SETBP1: variants seen among roughly 807,000 people sequenced by gnomAD.
The protein encoded by SETBP1 is SET-binding protein.
SETBP1 carries 9 observed loss-of-function variants against 101.0 expected under a neutral mutation model. The ratio of observed to expected loss-of-function variants is 0.09; its 90% CI spans 0.05 to 0.16. SETBP1 has a LOEUF of 0.16. SETBP1 is among the 10% of genes least tolerant of loss of function. SETBP1 has a pLI of 1.00. For missense variants in SETBP1, 1,858 were observed against 2,033.8 expected, an observed-to-expected ratio of 0.91 and a Z score of 1.66; for synonymous variants, 818 against 788.5, an observed-to-expected ratio of 1.04 and a Z score of -0.63.
At chr18:44,927,383 A>G (rs2080573597) in intron 3 of SETBP1, among the ~76,000 whole-genome samples, 1 of 152,142 alleles carries the variant, frequency 6.6e-6, no homozygotes, top group African/African-American at 2.4e-5. Flanking sequence ...TCTTGTCCCC[A>G]TGACTCTATA....
chr18:44,776,337 T>C (rs999506519), intron 2 of SETBP1, among the ~76,000 whole-genome samples: 2 of 152,188 alleles, frequency 1.3e-5, no homozygotes, highest in Admixed American at 6.5e-5. Flanking sequence ...GCACAGCCCA[T>C]ATGGATGCCG....
At chr18:44,848,338 G>A (rs1374730396) in intron 2 of SETBP1, among the ~76,000 whole-genome samples, 3 of 152,142 alleles carry the variant, frequency 2.0e-5, no homozygotes, top group Non-Finnish European at 4.4e-5. Context: ...TTATGGGGGA[G>A]GGGGCGAAAT....
chr18:44,692,521 T>G (rs1041424967), intron 1 of SETBP1, among the ~76,000 whole-genome samples: 3 of 152,232 alleles, frequency 2.0e-5, no homozygotes, highest in Non-Finnish European at 2.9e-5. Context: ...CTTCCAGCTG[T>G]GCAGAGACTC....
intron 2 of SETBP1, among the ~76,000 whole-genome samples, chr18:44,837,946 C>T (rs2072532446): frequency 6.6e-6 from 1 of 152,168 alleles, no homozygotes; most frequent in Non-Finnish European, 1.5e-5. Context: ...GAATTGCCCA[C>T]CATTCTCTTG....
intron 5 of SETBP1, among the ~76,000 whole-genome samples, chr18:45,046,748 T>C (rs1014513353): frequency 2.2e-4 from 34 of 152,314 alleles, no homozygotes; most frequent in African/African-American, 7.9e-4. Context: ...GCTATTTAGA[T>C]TTTGTCTCAC....
chr18:44,919,882 AAC>A (rs1407656273), intron 3 of SETBP1, among the ~76,000 whole-genome samples: 2 of 152,060 alleles, frequency 1.3e-5, no homozygotes, highest in Non-Finnish European at 2.9e-5. Context: ...TGTCTGTGTA[AAC>A]ACACACACAT....
At chr18:44,758,939 G>A (rs1342749641) in intron 2 of SETBP1, among the ~76,000 whole-genome samples, 4 of 152,192 alleles carry the variant, frequency 2.6e-5, no homozygotes, top group Non-Finnish European at 4.4e-5. Context: ...GACGTCTGCA[G>A]GGACCACCAC....
rs2071441010 is a variant in SETBP1 at position 44,954,450 on chromosome 18, G to A, written c.4000+1110G>A. On this transcript the variant is annotated intron_variant, in intron 4 of 5. Coordinates refer to ENST00000649279, the MANE Select transcript of SETBP1 (RefSeq NM_015559.3). ...TCATCCATGTTTAAGGTTTGGTGTAGCATTTCACTTCTGTTTATGATGTGT... is the reference window on the plus strand; with the variant it reads ...TCATCCATGTTTAAGGTTTGGTGTAACATTTCACTTCTGTTTATGATGTGT... Among the ~76,000 whole-genome samples, 4 of 151,762 alleles carry A rather than the reference G, an allele frequency of 2.6e-5. No individual in the cohort carries two copies. The South Asian group carries it at 8.3e-4, about 32-fold the overall frequency.
chr18:44,961,567 C>T (rs2071611657), intron 4 of SETBP1, among the ~76,000 whole-genome samples: 2 of 152,162 alleles, frequency 1.3e-5, no homozygotes. Flanking sequence ...TACTTCCATT[C>T]TCAATAGGCC....
chr18:44,722,292 T>C (rs1164004493), intron 2 of SETBP1, among the ~76,000 whole-genome samples: 3 of 152,180 alleles, frequency 2.0e-5, no homozygotes, highest in Non-Finnish European at 4.4e-5. Flanking sequence ...CTAGTCACCA[T>C]CTCCGGTCGC....
intron 2 of SETBP1, among the ~76,000 whole-genome samples, chr18:44,790,748 G>C (rs925759168): frequency 2.6e-5 from 4 of 152,154 alleles, no homozygotes; most frequent in African/African-American, 7.2e-5. Context: ...CTGGATGTTG[G>C]GATTTTTAAG....
intron 4 of SETBP1, among the ~76,000 whole-genome samples, chr18:44,966,312 T>C (rs1398739757): frequency 6.6e-6 from 1 of 152,166 alleles, no homozygotes; most frequent in African/African-American, 2.4e-5. Context: ...CCTTATCCTA[T>C]AGAAAATGTC....
chr18:44,862,847 G>T (rs1015152772), intron 2 of SETBP1, among the ~76,000 whole-genome samples: 2 of 152,168 alleles, frequency 1.3e-5, no homozygotes, highest in Non-Finnish European at 2.9e-5. Context: ...TGAGAGGGAT[G>T]CTTTAGGGTG....
At chr18:44,974,335 TC>T (rs1057321195) in intron 4 of SETBP1, among the ~76,000 whole-genome samples, 13 of 152,172 alleles carry the variant, frequency 8.5e-5, no homozygotes, top group African/African-American at 3.1e-4. Context: ...ACTACAATAA[TC>T]CAGGCGAGAG....
chr18:44,898,466 G>C (rs2069959980), intron 3 of SETBP1, among the ~76,000 whole-genome samples: 1 of 152,160 alleles, frequency 6.6e-6, no homozygotes, highest in Non-Finnish European at 1.5e-5. Context: ...TAGAAAGTTA[G>C]AATTTTAATA....
rs570619252 is a variant in SETBP1 at position 45,067,051 on chromosome 18, G to C, written c.*3353G>C. The C allele has an allele frequency of 6.6e-6, 1 of 152,174 alleles. No individual in the cohort carries two copies. Among genetic ancestry groups the C allele is most frequent in the South Asian group, 2.1e-4 (1 of 4,834 alleles). The allele number at this position is 152,174 out of a possible 1,614,324, so 9.4% of individuals were successfully genotyped here. Reference sequence around the variant, plus strand: ...GTCAAAGGAAGGGAAAGCATGTCAGGGGCTGGTTTGTGACTTGGCAGGACC... The same window carrying C: ...GTCAAAGGAAGGGAAAGCATGTCAGCGGCTGGTTTGTGACTTGGCAGGACC... On this transcript the variant is annotated 3_prime_UTR_variant, in exon 6 of 6. Coordinates refer to ENST00000649279, the MANE Select transcript of SETBP1 (RefSeq NM_015559.3).
intron 4 of SETBP1, among the ~76,000 whole-genome samples, chr18:44,980,864 T>C (rs1028385708): frequency 6.6e-6 from 1 of 152,088 alleles, no homozygotes; most frequent in Admixed American, 6.5e-5. Flanking sequence ...GAAATATGGG[T>C]CTTCTAGACC....
At chr18:44,930,332 G>A (rs1279684060) in intron 3 of SETBP1, among the ~76,000 whole-genome samples, 1 of 152,138 alleles carries the variant, frequency 6.6e-6, no homozygotes. Flanking sequence ...GCTGGATTCG[G>A]TTTGCCAGTA....
At position 45,063,116 on chromosome 18, in the gene SETBP1, G is replaced by A. The variant is rs565949588; in HGVS notation, c.4209G>A (p.Glu1403=). ...SSLKKRFKRR[E]IEAIQCEVRK... ...TGAAGAAGAGGTTCAAGCGGCGGGA[G>A]ATCGAAGCCATCCAGTGCGAAGTGC... Residue 1403 remains glutamate, a synonymous_variant, in exon 6 of 6, where the codon GAG becomes GAA. Transcript: ENST00000649279. The A allele has an allele frequency of 5.6e-4, 911 of 1,613,974 alleles. 15 individuals are homozygous for A. The South Asian group carries it at 9.5e-3, about 17-fold the overall frequency.
Sources: allele counts gnomAD v4.1 joint callset (sites outside exome capture counted in the v4.1 genomes callset), GRCh38; gene constraint gnomAD v4.1.1; transcripts MANE v1.5; gene names NCBI Gene and HGNC (gene_info 2026-07-23, HGNC 2026-07-21).